The following DMXL1 variants were observed in gnomAD, a reference collection of about 807,000 sequenced individuals.
DMXL1 encodes dmX-like protein 1.
In DMXL1, 99 loss-of-function variants were observed where a neutral mutation model predicts 319.2. That is an observed-to-expected ratio of 0.31 (90% confidence interval 0.26 to 0.37). The LOEUF (loss-of-function observed/expected upper bound fraction) is 0.37, where lower values mean the gene tolerates loss of function less well. Among genes scored for constraint, DMXL1 ranks in the 10% least tolerant of loss-of-function variants. The pLI, the probability that DMXL1 is intolerant of heterozygous loss-of-function variation, is 1.00. For synonymous variants in DMXL1, 1,385 were observed against 1,235.2 expected, an observed-to-expected ratio of 1.12 and a Z score of -2.54; for missense variants, 3,745 against 3,595.6, an observed-to-expected ratio of 1.04 and a Z score of -1.06.
At chr5:119,096,605 T>C (rs1756033518) in intron 1 of DMXL1, among the ~76,000 whole-genome samples, 1 of 152,186 alleles carries the variant, frequency 6.6e-6, no homozygotes, top group African/African-American at 2.4e-5. Context: ...CGTGTGCCAG[T>C]CTATAATATG....
intron 40 of DMXL1, among the ~76,000 whole-genome samples, chr5:119,237,805 T>G (rs1225705845): frequency 6.6e-6 from 1 of 152,220 alleles, no homozygotes; most frequent in East Asian, 1.9e-4. Context: ...GAAAAGGACA[T>G]CCTATAGCTG....
chr5:119,181,727 G>A (rs968777133), intron 28 of DMXL1, among the ~76,000 whole-genome samples: 6 of 152,092 alleles, frequency 3.9e-5, no homozygotes, highest in Non-Finnish European at 7.4e-5. Context: ...CAGGAGAATC[G>A]CTTGAACCTG....
chr5:119,220,423 A>G lies in DMXL1; in HGVS notation c.8014-49A>G, dbSNP rs768136216. The G allele has an allele frequency of 6.9e-6, 11 of 1,585,406 alleles. No individual in the cohort carries two copies. The Admixed American group carries it at 8.6e-5, about 12-fold the overall frequency. ...CATTTTCAAAAGCAGCTCATATACT[A>G]TCTCTTTTGCCTATTGCTTTTAAAA... On this transcript the variant is annotated intron_variant, in intron 35 of 43. Transcript: ENST00000539542.
chr5:119,085,217 G>C (rs1472650544), intron 1 of DMXL1, among the ~76,000 whole-genome samples: 3 of 151,936 alleles, frequency 2.0e-5, no homozygotes, highest in African/African-American at 7.3e-5. Flanking sequence ...TGTAGTCCTA[G>C]CTACTCGTGA....
At chr5:119,102,119 A>T in intron 3 of DMXL1, 113 bp downstream of exon 3, 1 of 548,172 alleles carries the variant, frequency 1.8e-6, no homozygotes, top group Non-Finnish European at 3.2e-6. Flanking sequence ...CTGTAATTGA[A>T]CCTACATGTT....
intron 32 of DMXL1, among the ~76,000 whole-genome samples, chr5:119,200,842 CT>C (rs2150436932): frequency 1.3e-5 from 2 of 152,126 alleles, no homozygotes; most frequent in South Asian, 4.2e-4. Context: ...GTGAATGGGG[CT>C]GCCTTCCTGA....
chr5:119,127,361 T>TC (rs1763833179), intron 9 of DMXL1: 1 of 161,622 alleles, frequency 6.2e-6, no homozygotes, highest in African/African-American at 2.4e-5. Flanking sequence ...TTTTTTTTTT[T>TC]TTTTTTTGAG....
At chr5:119,095,695 C>T (rs1238106370) in intron 1 of DMXL1, among the ~76,000 whole-genome samples, 1 of 152,098 alleles carries the variant, frequency 6.6e-6, no homozygotes, top group Non-Finnish European at 1.5e-5. Context: ...AATTTAATAT[C>T]AAGGAGAAAA....
In DMXL1 at chr5:119,247,490, G is replaced by T. The variant is rs1045450253; in HGVS notation, c.*271G>T. ...ATCAGTATGTCATAGTGTTAAAGGT[G>T]TTTTGTTTTCTTATTGATACTTTTC... On this transcript the variant is annotated 3_prime_UTR_variant, in exon 44 of 44. Coordinates refer to ENST00000539542, the MANE Select transcript of DMXL1 (RefSeq NM_001290321.3). 4.7e-6 allele frequency: 1 copy of T among 211,842 alleles called. No homozygotes were observed. Among genetic ancestry groups the T allele is most frequent in the Non-Finnish European group, 9.4e-6 (1 of 106,090 alleles). 13.1% of individuals were successfully genotyped at this position (211,842 alleles called of 1,614,324 possible).
chr5:119,161,668 C>G (rs1200508117), intron 19 of DMXL1, among the ~76,000 whole-genome samples: 1 of 152,170 alleles, frequency 6.6e-6, no homozygotes, highest in Non-Finnish European at 1.5e-5. Flanking sequence ...TGTTTGAACT[C>G]TCTGGTTGGG....
rs1778379414 is a variant in DMXL1 at position 119,189,761 on chromosome 5, A to G, written c.7189A>G (p.Lys2397Glu). 1 of 1,614,148 alleles carries G rather than the reference A, an allele frequency of 6.2e-7. No individual in the cohort carries two copies. Among genetic ancestry groups the G allele is most frequent in the Non-Finnish European group, 8.5e-7 (1 of 1,179,996 alleles). ...ACAGAACAAACGTTTTAGGCCGTCAAAAATGTCTTGCAGAGAATCTGCCCC... is the reference window on the plus strand; with the variant it reads ...ACAGAACAAACGTTTTAGGCCGTCAGAAATGTCTTGCAGAGAATCTGCCCC... The part of the protein sequence containing the change: ...EKQNKRFRPS[K>E]MSCRESAPLT... Residue 2397 changes from lysine to glutamate, a missense_variant, in exon 29 of 44, where the codon AAA becomes GAA. Physicochemically the swap from Lys to Glu is moderately conservative, Grantham distance 56. Transcript: ENST00000539542.
At position 119,071,448 on chromosome 5, in the gene DMXL1, C is replaced by G. The variant is rs991384214; in HGVS notation, c.-122C>G. On this transcript the variant is annotated 5_prime_UTR_variant, in exon 1 of 44. Transcript: ENST00000539542. ...AGCGGCTCCGGCTCCAGGCGCCTGT[C>G]GCTGCTTCTGCCGTCGCCACCGAAG... is the stretch of plus-strand genomic sequence containing the variant. 6 of 977,026 alleles carry G rather than the reference C, an allele frequency of 6.1e-6. No individual in the cohort carries two copies. In the African/African-American group the frequency reaches 8.3e-5, roughly 14 times the overall value. 60.5% of individuals were successfully genotyped at this position (977,026 alleles called of 1,614,324 possible). A position where few individuals can be genotyped will look rare whatever the true frequency, so the allele number is the denominator to read the frequency against.
At chr5:119,189,104 A>G (rs1337129958) in intron 28 of DMXL1, among the ~76,000 whole-genome samples, 3 of 152,226 alleles carry the variant, frequency 2.0e-5, no homozygotes, top group East Asian at 1.9e-4. Flanking sequence ...TACTAAAAAA[A>G]TACTATCTAA....
At chr5:119,194,503 G>T (rs1779261790) in intron 30 of DMXL1, among the ~76,000 whole-genome samples, 1 of 150,594 alleles carries the variant, frequency 6.6e-6, no homozygotes. Flanking sequence ...AGTCTCTATT[G>T]ATATGTTTAC....
chr5:119,165,399 GT>G lies in DMXL1; in HGVS notation c.4970+123del, dbSNP rs1773209476. On this transcript the variant is annotated intron_variant, in intron 21 of 43. Coordinates refer to ENST00000539542, the MANE Select transcript of DMXL1 (RefSeq NM_001290321.3). ...TGTTGATTCATGTAGATTCTTAGTT[GT>G]TTTATATTTAAAAGAGAGATTTCGT... 7 of 569,560 alleles carry G rather than the reference GT, an allele frequency of 1.2e-5. No homozygotes were observed. In the South Asian group the frequency reaches 2.0e-4, roughly 17 times the overall value. The allele number at this position is 569,560 out of a possible 1,614,324, so 35.3% of individuals were successfully genotyped here. A position where few individuals can be genotyped will look rare whatever the true frequency, so the allele number is the denominator to read the frequency against.
chr5:119,190,710 G>T (rs1436482652), intron 29 of DMXL1, among the ~76,000 whole-genome samples: 4 of 152,186 alleles, frequency 2.6e-5, no homozygotes, highest in Non-Finnish European at 4.4e-5. Context: ...GCTGCCATTT[G>T]AAAGACTCTA....
intron 9 of DMXL1, chr5:119,127,394 A>G (rs934097996): frequency 2.1e-5 from 3 of 140,876 alleles, no homozygotes; most frequent in Non-Finnish European, 4.5e-5. Context: ...TCTGTCACCC[A>G]GGCAAGCCTG....
chr5:119,244,080 T>C (rs539232988), intron 42 of DMXL1, among the ~76,000 whole-genome samples: 1 of 152,284 alleles, frequency 6.6e-6, no homozygotes, highest in South Asian at 2.1e-4. Context: ...ACGGAACCAG[T>C]TCAACCAGGG....
At chr5:119,245,672 T>C (rs1388271358) in intron 43 of DMXL1, among the ~76,000 whole-genome samples, 1 of 151,932 alleles carries the variant, frequency 6.6e-6, no homozygotes, top group South Asian at 2.1e-4. Flanking sequence ...CCAGAGTAGC[T>C]GGGACTACAG....
Sources: gnomAD v4.1 joint callset for allele counts (sites outside exome capture counted in the v4.1 genomes callset) on GRCh38, gnomAD v4.1.1 for gene constraint, MANE v1.5 for transcripts, NCBI Gene and HGNC (gene_info 2026-07-23, HGNC 2026-07-21) for gene names.